GCKR: variants seen among roughly 807,000 people sequenced by gnomAD.
GCKR encodes the protein glucokinase regulator.
Under a neutral mutation model 82.9 loss-of-function variants are expected in GCKR, and 73 were observed. The observed-to-expected ratio is 0.88, with a 90% CI of 0.73 to 1.07. GCKR has a LOEUF of 1.07. Among genes scored for constraint, GCKR ranks in the 50% least tolerant of loss-of-function variants. The pLI is 0.00. For synonymous variants in GCKR, 294 were observed against 291.8 expected (o/e 1.01, Z -0.08); for missense variants, 784 against 782.1 (o/e 1.00, Z -0.03).
At chr2:27,509,568 C>G (rs1451219382) in intron 16 of GCKR, 2 of 442,114 alleles carry the variant, frequency 4.5e-6, no homozygotes, top group South Asian at 3.2e-5. Context: ...TTGCCAACTC[C>G]TAGACTCAAG....
chr2:27,518,658 A>T, intron 16 of GCKR, 130 bp from the exon 17 acceptor site: 2 of 810,356 alleles, frequency 2.5e-6, no homozygotes, highest in Non-Finnish European at 4.4e-6. Flanking sequence ...GGGCTGCTCA[A>T]ACAAATCATG....
chr2:27,521,101 G>A (rs1670141054), intron 17 of GCKR, among the ~76,000 whole-genome samples: 1 of 152,026 alleles, frequency 6.6e-6, no homozygotes, highest in South Asian at 2.1e-4. Flanking sequence ...GTGTGCTCTA[G>A]TTGCAAAATA....
intron 9 of GCKR, 127 bp downstream of exon 9, chr2:27,503,746 G>A: frequency 1.5e-6 from 1 of 685,652 alleles, no homozygotes; most frequent in Non-Finnish European, 2.7e-6. Context: ...TTGTGAGTCA[G>A]CTAAAATGTT....
intron 17 of GCKR, among the ~76,000 whole-genome samples, chr2:27,519,640 G>A (rs1056538818): frequency 6.6e-6 from 1 of 152,122 alleles, no homozygotes; most frequent in African/African-American, 2.4e-5. Flanking sequence ...CCATTAGGTG[G>A]CAAACTGGCC....
chr2:27,497,732 C>T (rs1253109574), intron 3 of GCKR, 102 bp downstream of exon 3: 1 of 772,740 alleles, frequency 1.3e-6, no homozygotes, highest in African/African-American at 1.7e-5. Flanking sequence ...TCTCCTTTCT[C>T]CCTTTTGGAG....
intron 16 of GCKR, among the ~76,000 whole-genome samples, chr2:27,511,483 G>A: frequency 6.6e-6 from 1 of 151,290 alleles, no homozygotes; most frequent in East Asian, 2.0e-4. Context: ...GGTCACCTGA[G>A]GTCAAGAGTT....
In GCKR at chr2:27,523,598, G is replaced by A. The variant is rs1670204535; in HGVS notation, c.*159G>A. ...GAGAAATATTCTCTCCACTTTGGGGGAGAGTTCTTGCTCTCGACCTAGTGG... is the reference window on the plus strand; with the variant it reads ...GAGAAATATTCTCTCCACTTTGGGGAAGAGTTCTTGCTCTCGACCTAGTGG... On this transcript the variant is annotated 3_prime_UTR_variant, in exon 19 of 19. Coordinates refer to ENST00000264717, the MANE Select transcript of GCKR (RefSeq NM_001486.4). 5 of 700,178 alleles carry A rather than the reference G, an allele frequency of 7.1e-6. No individual in the cohort carries two copies. Among genetic ancestry groups the A allele is most frequent in the Non-Finnish European group, 1.2e-5 (5 of 401,432 alleles). The allele number at this position is 700,178 out of a possible 1,614,324, so 43.4% of individuals were successfully genotyped here.
intron 5 of GCKR, 59 bp downstream of exon 5, chr2:27,498,856 G>A: frequency 2.0e-6 from 2 of 980,936 alleles, no homozygotes; most frequent in African/African-American, 1.6e-5. Context: ...CTTAGAAATT[G>A]AGTTGGAATA....
intron 16 of GCKR, among the ~76,000 whole-genome samples, chr2:27,508,780 T>A (rs1669811032): frequency 6.6e-6 from 1 of 152,134 alleles, no homozygotes; most frequent in Non-Finnish European, 1.5e-5. Context: ...CCCAAAGTAC[T>A]GGGATTACAG....
At chr2:27,498,948 A>G in intron 5 of GCKR, 151 bp downstream of exon 5, 1 of 728,046 alleles carries the variant, frequency 1.4e-6, no homozygotes, top group South Asian at 1.5e-5. Context: ...TCACATACTT[A>G]TGTCGCCTGA....
Position 27,496,919 on chromosome 2 carries a change from A to ACGGTTT in GCKR, c.17_22dup (p.Arg6_Phe7dup), listed in dbSNP as rs748731892. 322 of 1,613,826 alleles carry ACGGTTT rather than the reference A, an allele frequency of 2.0e-4. No homozygotes were observed. The highest frequency in any genetic ancestry group is 1.3e-3 in the Middle Eastern group (8 of 6,060). On this transcript the variant is annotated inframe_insertion, in exon 1 of 19. Coordinates refer to ENST00000264717, the MANE Select transcript of GCKR (RefSeq NM_001486.4). The stretch of plus-strand genomic sequence containing the variant: ...AGCGTGGGACCATGCCAGGCACAAA[A>ACGGTTT]CGGTTTCAACATGTCATTGAGACCC...
chr2:27,521,194 T>C (rs986692861), intron 17 of GCKR, among the ~76,000 whole-genome samples: 2 of 152,130 alleles, frequency 1.3e-5, no homozygotes, highest in Admixed American at 6.5e-5. Flanking sequence ...ATTGTTTACA[T>C]TGGGTTATAT....
intron 7 of GCKR, among the ~76,000 whole-genome samples, chr2:27,500,302 CTG>C (rs1414890970): frequency 1.3e-5 from 2 of 152,014 alleles, no homozygotes; most frequent in African/African-American, 4.8e-5. Flanking sequence ...AAAAAGAAAA[CTG>C]GGGACCAGGA....
At position 27,497,635 on chromosome 2, in the gene GCKR, TA is replaced by T; in HGVS notation, c.285+7del. ...AAAGTTCAGGAAGTGCTGAAGGTAC[TA>T]ACCTTCCTTCTGTTCCCTGCCTAAA... On this transcript the variant is annotated splice_donor_region_variant and intron_variant, in intron 3 of 18. Coordinates refer to ENST00000264717, the MANE Select transcript of GCKR (RefSeq NM_001486.4). 2 of 1,570,062 alleles carry T rather than the reference TA, an allele frequency of 1.3e-6. No homozygotes were observed. Among genetic ancestry groups the T allele is most frequent in the Non-Finnish European group, 1.8e-6 (2 of 1,139,754 alleles).
chr2:27,506,352 G>T (rs1179142251), intron 10 of GCKR, 129 bp from the exon 11 acceptor site: 3 of 741,352 alleles, frequency 4.0e-6, no homozygotes, highest in Non-Finnish European at 7.4e-6. Flanking sequence ...CCTACTCTCT[G>T]CACCTCTCCA....
chr2:27,507,129 C>G, intron 12 of GCKR, 106 bp from the exon 13 acceptor site: 1 of 853,514 alleles, frequency 1.2e-6, no homozygotes, highest in Non-Finnish European at 2.1e-6. Flanking sequence ...ACTCTACGCC[C>G]CACTTGCCAC....
intron 16 of GCKR, among the ~76,000 whole-genome samples, chr2:27,513,395 T>C (rs1391484330): frequency 6.6e-6 from 1 of 151,964 alleles, no homozygotes; most frequent in African/African-American, 2.4e-5. Flanking sequence ...CCGGGTGTGG[T>C]GGTGTGCACC....
Position 27,518,768 on chromosome 2 carries a change from C to G in GCKR, c.1423-20C>G. 1 of 1,607,416 alleles carries G rather than the reference C, an allele frequency of 6.2e-7. No homozygotes were observed. Among genetic ancestry groups the G allele is most frequent in the South Asian group, 1.1e-5 (1 of 90,944 alleles). On this transcript the variant is annotated intron_variant, in intron 16 of 18. Transcript: ENST00000264717. ...TCTGTCCTCTAATTTTTGACACCCC[C>G]ATGTGTCTGCCCTTTTCAGAAGTTC... is the stretch of plus-strand genomic sequence containing the variant.
chr2:27,498,430 C>T, intron 4 of GCKR, 107 bp downstream of exon 4: 1 of 826,358 alleles, frequency 1.2e-6, no homozygotes, highest in Non-Finnish European at 2.1e-6. Context: ...CTCACTAGAC[C>T]TGGACTCCAA....
Sources: gnomAD v4.1 joint callset for allele counts (sites outside exome capture counted in the v4.1 genomes callset) on GRCh38, gnomAD v4.1.1 for gene constraint, MANE v1.5 for transcripts, NCBI Gene and HGNC (gene_info 2026-07-23, HGNC 2026-07-21) for gene names.